Variants in BBX observed in about 807,000 individuals in gnomAD.
BBX encodes BBX high mobility group box domain containing, also known as HMG box transcription factor BBX.
Under a neutral mutation model 100.2 loss-of-function variants are expected in BBX, and 30 were observed. The observed-to-expected ratio is 0.30, with a 90% CI of 0.22 to 0.41. The LOEUF is 0.41. Ranked by LOEUF, BBX falls within the 10% of genes least tolerant of loss-of-function variation. BBX has a pLI of 1.00. For synonymous variants in BBX, 376 were observed against 388.1 expected, an observed-to-expected ratio of 0.97 and a Z score of 0.37; for missense variants, 1,023 against 1,129.8, an observed-to-expected ratio of 0.91 and a Z score of 1.35.
intron 2 of BBX, among the ~76,000 whole-genome samples, chr3:107,545,637 T>TATC (rs1231789791): frequency 6.6e-6 from 1 of 152,326 alleles, no homozygotes; most frequent in African/African-American, 2.4e-5. Context: ...ATCTTTGTGC[T>TATC]ATCCATGGAG....
chr3:107,639,836 TA>T (rs1186170129), intron 2 of BBX, among the ~76,000 whole-genome samples: 1 of 152,196 alleles, frequency 6.6e-6, no homozygotes, highest in Non-Finnish European at 1.5e-5. Flanking sequence ...CTGTCAGAAT[TA>T]AACATATATG....
intron 10 of BBX, among the ~76,000 whole-genome samples, chr3:107,762,707 C>G (rs1329915101): frequency 1.3e-5 from 2 of 152,180 alleles, no homozygotes; most frequent in Non-Finnish European, 2.9e-5. Context: ...GTCAGTAGGT[C>G]TGTTTTCACA....
chr3:107,800,425 T>C (rs1318501161), intron 16 of BBX, among the ~76,000 whole-genome samples: 2 of 152,236 alleles, frequency 1.3e-5, no homozygotes, highest in Non-Finnish European at 2.9e-5. Flanking sequence ...ATTTTCTATA[T>C]TTACAATTTT....
intron 2 of BBX, among the ~76,000 whole-genome samples, chr3:107,540,920 A>G (rs1185798318): frequency 6.6e-6 from 1 of 152,064 alleles, no homozygotes; most frequent in African/African-American, 2.4e-5. Flanking sequence ...TTTTAAAATG[A>G]TGGTTAAAAA....
intron 11 of BBX, 149 bp from the exon 12 acceptor site, chr3:107,774,570 A>G (rs2067174213): frequency 1.3e-6 from 1 of 768,946 alleles, no homozygotes; most frequent in East Asian, 2.7e-5. Flanking sequence ...ATGGTCCAGC[A>G]TGAATCACTC....
chr3:107,621,112 T>A (rs1437136961), intron 2 of BBX, among the ~76,000 whole-genome samples: 1 of 152,180 alleles, frequency 6.6e-6, no homozygotes. Context: ...TTTTCTGTGA[T>A]GATTGGCTTG....
At chr3:107,625,881 A>G (rs2056132423) in intron 2 of BBX, among the ~76,000 whole-genome samples, 1 of 152,144 alleles carries the variant, frequency 6.6e-6, no homozygotes, top group Non-Finnish European at 1.5e-5. Context: ...TGTTACATGT[A>G]AGATTATTTA....
At chr3:107,605,666 T>C (rs1576469379) in intron 2 of BBX, among the ~76,000 whole-genome samples, 2 of 152,194 alleles carry the variant, frequency 1.3e-5, no homozygotes, top group East Asian at 3.9e-4. Context: ...TTGTTCTTAA[T>C]AAATCACAGT....
intron 2 of BBX, among the ~76,000 whole-genome samples, chr3:107,576,716 A>G: frequency 6.6e-6 from 1 of 152,174 alleles, no homozygotes; most frequent in Admixed American, 6.5e-5. Context: ...TGATTGATCT[A>G]TCTATCTAGT....
chr3:107,804,340 T>A (rs79819476), intron 17 of BBX, among the ~76,000 whole-genome samples: 4,243 of 152,328 alleles, frequency 0.028, 207 homozygotes, highest in African/African-American at 0.097. Context: ...TGAAAGGTCA[T>A]CCCAATGAAA....
At chr3:107,628,837 T>C (rs1456675522) in intron 2 of BBX, among the ~76,000 whole-genome samples, 7 of 152,162 alleles carry the variant, frequency 4.6e-5, no homozygotes, top group Non-Finnish European at 8.8e-5. Flanking sequence ...TGGGAACTTA[T>C]AGGGGTGAGA....
intron 2 of BBX, among the ~76,000 whole-genome samples, chr3:107,573,478 C>A (rs1010090973): frequency 3.9e-5 from 6 of 152,032 alleles, no homozygotes; most frequent in Non-Finnish European, 8.8e-5. Context: ...TCGCTTGAAC[C>A]CAGGAGGCCC....
chr3:107,535,090 C>G (rs116498022), intron 2 of BBX, among the ~76,000 whole-genome samples: 8 of 152,334 alleles, frequency 5.3e-5, no homozygotes, highest in African/African-American at 1.7e-4. Flanking sequence ...TCTGAAGTCG[C>G]ACAGCTGGTA....
chr3:107,582,394 G>T, intron 2 of BBX, among the ~76,000 whole-genome samples: 1 of 149,454 alleles, frequency 6.7e-6, no homozygotes, highest in Non-Finnish European at 1.5e-5. Context: ...CTGATTTTTT[G>T]ACAAAAAGAT....
intron 13 of BBX, among the ~76,000 whole-genome samples, chr3:107,783,665 G>A (rs1482464494): frequency 6.6e-6 from 1 of 151,856 alleles, no homozygotes; most frequent in Non-Finnish European, 1.5e-5. Flanking sequence ...TTCCATGATT[G>A]CCTATGTATC....
chr3:107,630,757 C>T (rs1034666091), intron 2 of BBX, among the ~76,000 whole-genome samples: 3 of 152,128 alleles, frequency 2.0e-5, no homozygotes, highest in Non-Finnish European at 4.4e-5. Context: ...CATGTGCTGT[C>T]GGGATGGGGT....
chr3:107,702,042 A>G (rs909306696), intron 3 of BBX, among the ~76,000 whole-genome samples: 4 of 152,240 alleles, frequency 2.6e-5, no homozygotes, highest in African/African-American at 9.6e-5. Flanking sequence ...AAAAAGGATA[A>G]AAGTAAAGAA....
chr3:107,574,107 A>C (rs1481814591), intron 2 of BBX, among the ~76,000 whole-genome samples: 2 of 152,266 alleles, frequency 1.3e-5, no homozygotes, highest in East Asian at 1.9e-4. Flanking sequence ...ATAGATAGTA[A>C]AAATAGTTTA....
At chr3:107,703,947 C>T (rs2061237734) in intron 3 of BBX, among the ~76,000 whole-genome samples, 2 of 152,136 alleles carry the variant, frequency 1.3e-5, no homozygotes, top group African/African-American at 4.8e-5. Flanking sequence ...TTTTCATGGT[C>T]TATGAGCTGT....
Sources: allele counts gnomAD v4.1 joint callset (sites outside exome capture counted in the v4.1 genomes callset), GRCh38; gene constraint gnomAD v4.1.1; transcripts MANE v1.5; gene names NCBI Gene and HGNC (gene_info 2026-07-23, HGNC 2026-07-21).